The following PCDH15 variants were observed in gnomAD, a reference collection of about 807,000 sequenced individuals.
PCDH15 encodes protocadherin related 15, also known as protocadherin-15.
A neutral mutation model predicts 178.5 loss-of-function variants in PCDH15; 129 were observed. The observed-to-expected ratio is 0.72, with a 90% CI of 0.63 to 0.84. The LOEUF (loss-of-function observed/expected upper bound fraction) is 0.84, where lower values mean the gene tolerates loss of function less well. Among genes scored for constraint, PCDH15 ranks in the 40% least tolerant of loss-of-function variants. PCDH15 has a pLI of 0.00. For missense variants in PCDH15, 2,230 were observed against 2,099.9 expected (o/e 1.06, Z -1.21); for synonymous variants, 800 against 732.0 (o/e 1.09, Z -1.50).
chr10:55,044,698 T>C (rs1409112735), intron 2 of PCDH15, among the ~76,000 whole-genome samples: 1 of 152,152 alleles, frequency 6.6e-6, no homozygotes, highest in East Asian at 1.9e-4. Flanking sequence ...TTTATATACA[T>C]AAGTCTACAC....
intron 1 of PCDH15, among the ~76,000 whole-genome samples, chr10:54,776,409 G>A (rs1028600817): frequency 2.0e-5 from 3 of 151,308 alleles, no homozygotes; most frequent in African/African-American, 7.3e-5. Context: ...TATATACTTT[G>A]CATGAGACAC....
chr10:54,578,383 T>C (rs2090719670), intron 2 of PCDH15, among the ~76,000 whole-genome samples: 1 of 152,122 alleles, frequency 6.6e-6, no homozygotes. Context: ...AAATTTAATA[T>C]TTTGTATTTT....
At chr10:54,344,109 A>G (rs1398448055) in intron 6 of PCDH15, among the ~76,000 whole-genome samples, 1 of 152,212 alleles carries the variant, frequency 6.6e-6, no homozygotes, top group Admixed American at 6.5e-5. Context: ...CTAATTTTAT[A>G]TGAAGTCTAA....
chr10:54,085,361 T>C (rs2094498878), intron 16 of PCDH15, among the ~76,000 whole-genome samples: 1 of 152,158 alleles, frequency 6.6e-6, no homozygotes, highest in African/African-American at 2.4e-5. Context: ...ATTTTAAGTG[T>C]TGGCATCACA....
At chr10:54,851,875 A>T (rs1247703503) in intron 3 of PCDH15, among the ~76,000 whole-genome samples, 2 of 152,264 alleles carry the variant, frequency 1.3e-5, no homozygotes, top group South Asian at 2.1e-4. Flanking sequence ...TGGCCTGATT[A>T]TTATATAATT....
chr10:55,322,527 G>A (rs1012376940), upstream of PCDH15, among the ~76,000 whole-genome samples: 1 of 152,276 alleles, frequency 6.6e-6, no homozygotes, highest in Admixed American at 6.5e-5. Context: ...GAGACTTGCT[G>A]AATGGCTTTG....
chr10:55,263,951 G>A (rs1482163464), intron 1 of PCDH15, among the ~76,000 whole-genome samples: 2 of 151,342 alleles, frequency 1.3e-5, no homozygotes, highest in Non-Finnish European at 2.9e-5. Context: ...TGCCAGGATG[G>A]TCTCGATCTC....
At position 55,312,977 on chromosome 10, in the gene PCDH15, C is replaced by T. The variant is rs546362005; in HGVS notation, c.-156+6622G>A. Among the ~76,000 whole-genome samples, 26 of 152,260 alleles carry T rather than the reference C, an allele frequency of 1.7e-4. No homozygotes were observed. In the South Asian group the frequency reaches 5.0e-3, roughly 29 times the overall value. On this transcript the variant is annotated intron_variant, in intron 1 of 5. Coordinates refer to the PCDH15 transcript ENST00000458638. ...TGCTGATGCTGTATTTAGCACAGAA[C>T]TATAGTCCAACATCTAAGAAATAGA...
chr10:54,194,156 A>C (rs7916480), intron 11 of PCDH15, among the ~76,000 whole-genome samples: 34,839 of 151,544 alleles, frequency 0.23, 6,010 homozygotes, highest in African/African-American at 0.49. Flanking sequence ...GTGGAGTGCC[A>C]ACAAGAATTG....
chr10:53,882,322 C>A (rs1432490535), intron 26 of PCDH15, among the ~76,000 whole-genome samples: 8 of 152,156 alleles, frequency 5.3e-5, no homozygotes, highest in African/African-American at 1.9e-4. Context: ...ATAGCATGGG[C>A]TCCCAGAGCT....
At chr10:54,443,954 CAT>C (rs1185337476) in intron 3 of PCDH15, among the ~76,000 whole-genome samples, 1 of 151,670 alleles carries the variant, frequency 6.6e-6, no homozygotes, top group African/African-American at 2.4e-5. Flanking sequence ...TTTACATACA[CAT>C]GTTTAAAATC....
rs71461244 is a variant in PCDH15 at position 54,462,507 on chromosome 10, C to CTTTTTCT, written c.157+65304_157+65305insAGAAAAA. 5.4e-4 allele frequency among the ~76,000 whole-genome samples: 53 copies of CTTTTTCT among 98,806 alleles called. 1 individual carries two copies. The highest frequency in any genetic ancestry group is 2.0e-3 in the African/African-American group (51 of 25,196). 64.8% of individuals were successfully genotyped at this position (98,806 alleles called of 152,430 possible). A position where few individuals can be genotyped will look rare whatever the true frequency, so the allele number is the denominator to read the frequency against. On this transcript the variant is annotated intron_variant, in intron 3 of 37. Coordinates refer to ENST00000644397, the MANE Select transcript of PCDH15 (RefSeq NM_001384140.1). Reference sequence around the variant, plus strand: ...TTTCTTTTCTTTTCTTTTTCTTTTTCTTTTCTTTTTTTTTTTTTTTTTTTT... The same window carrying CTTTTTCT: ...TTTCTTTTCTTTTCTTTTTCTTTTTCTTTTTCTTTTTCTTTTTTTTTTTTTTTTTTTT...
chr10:54,010,491 G>T (rs951715655), intron 20 of PCDH15, among the ~76,000 whole-genome samples: 1 of 152,084 alleles, frequency 6.6e-6, no homozygotes, highest in South Asian at 2.1e-4. Flanking sequence ...TGATGCAAAC[G>T]CCCAGCACAG....
intron 3 of PCDH15, among the ~76,000 whole-genome samples, chr10:54,499,089 A>G (rs967641958): frequency 6.6e-6 from 1 of 152,188 alleles, no homozygotes; most frequent in African/African-American, 2.4e-5. Flanking sequence ...TCAACATGAA[A>G]TTTGGGTGGG....
At chr10:55,523,526 C>G (rs1460199273) in intron 2 of PCDH15, among the ~76,000 whole-genome samples, 2 of 151,514 alleles carry the variant, frequency 1.3e-5, no homozygotes, top group Non-Finnish European at 3.0e-5. Context: ...AATTTACTAT[C>G]TTTGTTATTT....
At chr10:55,030,678 C>G (rs902210956) in intron 2 of PCDH15, among the ~76,000 whole-genome samples, 12 of 151,958 alleles carry the variant, frequency 7.9e-5, no homozygotes, top group Admixed American at 3.9e-4. Flanking sequence ...TTTATTTAAA[C>G]TAATAAATAT....
rs1225903489 is a variant in PCDH15 at position 54,028,380 on chromosome 10, C to T, written c.2221-5183G>A. On this transcript the variant is annotated intron_variant, in intron 18 of 37. Transcript: ENST00000644397. ...TCAACCATTGTGGAAGTCAGTGTGG[C>T]GATTCCTCAGGGATCTAGAACTGGA... Among the ~76,000 whole-genome samples, 5 of 148,734 alleles carry T rather than the reference C, an allele frequency of 3.4e-5. No individual in the cohort carries two copies. The East Asian group carries it at 6.0e-4, about 18-fold the overall frequency.
intron 2 of PCDH15, among the ~76,000 whole-genome samples, chr10:54,663,253 G>A (rs547318529): frequency 6.6e-5 from 10 of 151,802 alleles, no homozygotes; most frequent in South Asian, 2.1e-4. Flanking sequence ...CTTTGCTGCC[G>A]TTAAGAGCAA....
At chr10:55,434,349 C>T (rs1434611000) in intron 2 of PCDH15, among the ~76,000 whole-genome samples, 1 of 151,886 alleles carries the variant, frequency 6.6e-6, no homozygotes, top group East Asian at 1.9e-4. Context: ...AGCCACCACG[C>T]CCGGCCAATT....
Sources: allele counts gnomAD v4.1 joint callset (sites outside exome capture counted in the v4.1 genomes callset), GRCh38; gene constraint gnomAD v4.1.1; transcripts MANE v1.5; gene names NCBI Gene and HGNC (gene_info 2026-07-23, HGNC 2026-07-21).